LEPR: variants seen among roughly 807,000 people sequenced by gnomAD.
LEPR encodes OB receptor.
LEPR carries 56 observed loss-of-function variants against 114.7 expected under a neutral mutation model. The ratio of observed to expected loss-of-function variants is 0.49; its 90% CI spans 0.39 to 0.61. The LOEUF (loss-of-function observed/expected upper bound fraction) is 0.61, where lower values mean the gene tolerates loss of function less well. Among genes scored for constraint, LEPR ranks in the 20% least tolerant of loss-of-function variants. The pLI is 0.00. For synonymous variants in LEPR, 443 were observed against 461.4 expected (o/e 0.96, Z 0.51); for missense variants, 1,202 against 1,352.9 (o/e 0.89, Z 1.75).
intron 2 of LEPR, among the ~76,000 whole-genome samples, chr1:65,455,987 C>T (rs112437240): frequency 0.13 from 19,291 of 152,096 alleles, 1,260 homozygotes; most frequent in South Asian, 0.22. Context: ...TCTCCTGGTG[C>T]GCCATTTTTT....
At chr1:65,567,983 A>T (rs1653894099) in intron 3 of LEPR, among the ~76,000 whole-genome samples, 1 of 151,770 alleles carries the variant, frequency 6.6e-6, no homozygotes, top group Non-Finnish European at 1.5e-5. Flanking sequence ...ATGTTGACTG[A>T]TGTATGTATA....
At chr1:65,455,426 G>A (rs1462556755) in intron 2 of LEPR, among the ~76,000 whole-genome samples, 1 of 152,138 alleles carries the variant, frequency 6.6e-6, no homozygotes, top group Non-Finnish European at 1.5e-5. Context: ...TGTACTTTTG[G>A]TCTTTGATGA....
chr1:65,483,406 G>T (rs960192854), intron 2 of LEPR, among the ~76,000 whole-genome samples: 28 of 152,118 alleles, frequency 1.8e-4, no homozygotes, highest in Non-Finnish European at 3.2e-4. Context: ...AACTGTTGAT[G>T]TAGGACAATG....
intron 2 of LEPR, among the ~76,000 whole-genome samples, chr1:65,482,123 T>C (rs75572217): frequency 6.7e-5 from 10 of 149,624 alleles, no homozygotes; most frequent in East Asian, 2.0e-4. Flanking sequence ...ATTTTACACA[T>C]ACACACACAC....
intron 2 of LEPR, among the ~76,000 whole-genome samples, chr1:65,553,963 T>C (rs559764889): frequency 6.6e-6 from 1 of 152,336 alleles, no homozygotes; most frequent in South Asian, 2.1e-4. Flanking sequence ...AGTCAGGCCC[T>C]TCTGCTGCAG....
At chr1:65,429,794 A>C in intron 2 of LEPR, 2 of 1,233,308 alleles carry the variant, frequency 1.6e-6, no homozygotes, top group South Asian at 2.3e-5. Context: ...TTGAAATAGT[A>C]GTATGTCTTT....
chr1:65,552,616 T>A (rs1465963827), intron 2 of LEPR, among the ~76,000 whole-genome samples: 1 of 152,094 alleles, frequency 6.6e-6, no homozygotes, highest in Non-Finnish European at 1.5e-5. Flanking sequence ...TGCAAAGGCA[T>A]GTGAGACTGG....
At chr1:65,426,734 C>T (rs1646380616) in intron 2 of LEPR, among the ~76,000 whole-genome samples, 1 of 152,178 alleles carries the variant, frequency 6.6e-6, no homozygotes, top group South Asian at 2.1e-4. Flanking sequence ...CACCATGGCT[C>T]ACGCCTGTAA....
In LEPR at chr1:65,533,655, C is replaced by T. The variant is rs532533560; in HGVS notation, c.-20-31891C>T. 2.6e-5 allele frequency among the ~76,000 whole-genome samples: 4 copies of T among 152,102 alleles called. No homozygotes were observed. The South Asian group carries it at 8.3e-4, about 32-fold the overall frequency. ...ATTTATGGCTTTGAGCTGCCTTCTA[C>T]ATACTTCTTTATCTGTGTGAAATAA... On this transcript the variant is annotated intron_variant, in intron 2 of 19. Transcript: ENST00000349533.
At chr1:65,523,111 T>C (rs1649719121) in intron 2 of LEPR, among the ~76,000 whole-genome samples, 1 of 152,160 alleles carries the variant, frequency 6.6e-6, no homozygotes, top group African/African-American at 2.4e-5. Context: ...GAGCACAGTA[T>C]TGGCACATTA....
chr1:65,620,275 T>C (rs984439629), intron 17 of LEPR, among the ~76,000 whole-genome samples: 4 of 152,346 alleles, frequency 2.6e-5, no homozygotes, highest in African/African-American at 7.2e-5. Flanking sequence ...ACCAACATTT[T>C]GATTTTGTTA....
At chr1:65,440,588 G>A (rs1316236122) in intron 2 of LEPR, among the ~76,000 whole-genome samples, 4 of 152,124 alleles carry the variant, frequency 2.6e-5, no homozygotes, top group African/African-American at 4.8e-5. Context: ...TTATGGAGGC[G>A]GCAATGGGCA....
chr1:65,518,869 TTCTTTTTCTTTCTTTCTTTCTTTC>T (rs1649432008), intron 2 of LEPR, among the ~76,000 whole-genome samples: 1 of 140,694 alleles, frequency 7.1e-6, no homozygotes, highest in African/African-American at 2.7e-5. Context: ...CTTTCTTTCT[TTCTTTTTCTTTCTTTCTTTCTTTC>T]TTTCTTTCTT....
intron 2 of LEPR, among the ~76,000 whole-genome samples, chr1:65,441,959 G>C (rs530112627): frequency 1.3e-5 from 2 of 152,272 alleles, no homozygotes; most frequent in South Asian, 4.1e-4. Flanking sequence ...GTATACTGAG[G>C]GGTAGGAGAG....
At chr1:65,590,810 T>C (rs1182972896) in intron 5 of LEPR, among the ~76,000 whole-genome samples, 1 of 152,132 alleles carries the variant, frequency 6.6e-6, no homozygotes, top group East Asian at 1.9e-4. Context: ...ATTATTTTTC[T>C]GTATTCTATT....
chr1:65,535,092 A>T (rs1277013851), intron 2 of LEPR, among the ~76,000 whole-genome samples: 2 of 152,120 alleles, frequency 1.3e-5, no homozygotes, highest in Admixed American at 6.6e-5. Flanking sequence ...GATGAAAGAG[A>T]TGATAAATCA....
chr1:65,467,483 C>T (rs995116320), intron 2 of LEPR, among the ~76,000 whole-genome samples: 51 of 152,274 alleles, frequency 3.3e-4, no homozygotes, highest in African/African-American at 1.2e-3. Flanking sequence ...TAAGGCTACA[C>T]GGGGGTCAGG....
At chr1:65,479,972 G>T (rs866192464) in intron 2 of LEPR, among the ~76,000 whole-genome samples, 1 of 152,134 alleles carries the variant, frequency 6.6e-6, no homozygotes, top group African/African-American at 2.4e-5. Flanking sequence ...TGGAAGGAAC[G>T]TGAAACGTGT....
chr1:65,459,839 C>T (rs561936103), intron 2 of LEPR, among the ~76,000 whole-genome samples: 79 of 152,280 alleles, frequency 5.2e-4, no homozygotes, highest in African/African-American at 1.9e-3. Flanking sequence ...GTTATTTGCA[C>T]ACTCCAAGCT....
Sources: allele counts gnomAD v4.1 joint callset (sites outside exome capture counted in the v4.1 genomes callset), GRCh38; gene constraint gnomAD v4.1.1; transcripts MANE v1.5; gene names NCBI Gene and HGNC (gene_info 2026-07-23, HGNC 2026-07-21).